Variants in ADD3 observed in about 807,000 individuals in gnomAD.
ADD3 encodes adducin 3, also known as gamma-adducin.
A neutral mutation model predicts 80.2 loss-of-function variants in ADD3; 25 were observed. The ratio of observed to expected loss-of-function variants is 0.31; its 90% CI spans 0.23 to 0.44. ADD3 has a LOEUF of 0.44. ADD3 is among the 20% of genes least tolerant of loss of function. The probability of loss-of-function intolerance (pLI) is 1.00; values close to 1 mark genes in which losing one functional copy is unlikely to be tolerated. For synonymous variants in ADD3, 284 were observed against 289.6 expected (o/e 0.98, Z 0.20); for missense variants, 829 against 847.5 (o/e 0.98, Z 0.27).
chr10:110,038,793 C>A (rs543581275), intron 1 of ADD3, among the ~76,000 whole-genome samples: 2 of 152,262 alleles, frequency 1.3e-5, no homozygotes, highest in South Asian at 4.1e-4. Flanking sequence ...AAAAACTGGA[C>A]ATGTTTGAAA....
intron 1 of ADD3, among the ~76,000 whole-genome samples, chr10:110,065,839 C>G (rs1323038632): frequency 6.6e-6 from 1 of 151,768 alleles, no homozygotes; most frequent in African/African-American, 2.4e-5. Flanking sequence ...GGCGCCCGAC[C>G]TCTTTTAGCC....
intron 12 of ADD3, among the ~76,000 whole-genome samples, chr10:110,127,005 A>C (rs537496105): frequency 1.3e-5 from 2 of 152,232 alleles, no homozygotes; most frequent in African/African-American, 2.4e-5. Context: ...ATTGTTCCCA[A>C]TTTCAGAGAT....
chr10:110,037,764 A>G (rs1855832945), intron 1 of ADD3, among the ~76,000 whole-genome samples: 2 of 151,984 alleles, frequency 1.3e-5, no homozygotes, highest in African/African-American at 4.8e-5. Context: ...GCATAAACTC[A>G]TAAGATATTT....
At chr10:110,051,462 T>C (rs1298878185) in intron 1 of ADD3, among the ~76,000 whole-genome samples, 1 of 152,188 alleles carries the variant, frequency 6.6e-6, no homozygotes, top group Non-Finnish European at 1.5e-5. Flanking sequence ...AATAAGTATA[T>C]ATAAGTGCAT....
chr10:110,022,209 C>T (rs1168491031), intron 1 of ADD3, among the ~76,000 whole-genome samples: 1 of 151,954 alleles, frequency 6.6e-6, no homozygotes, highest in Non-Finnish European at 1.5e-5. Flanking sequence ...ATGATCCTTT[C>T]CATGGGTTTC....
At chr10:110,044,042 A>G (rs1856652521) in intron 1 of ADD3, among the ~76,000 whole-genome samples, 1 of 152,118 alleles carries the variant, frequency 6.6e-6, no homozygotes, top group Non-Finnish European at 1.5e-5. Flanking sequence ...CCCTGTCTCT[A>G]AAATACAAAA....
At chr10:110,005,988 A>ATGCTGCTGCTGC (rs200976177), upstream of ADD3, 6 of 249,388 alleles carry the variant, frequency 2.4e-5, 1 homozygote, top group East Asian at 8.7e-4. Context: ...GCTGCTGCTA[A>ATGCTGCTGCTGC]TGCTGCTGCT....
chr10:110,061,941 G>T (rs990940007), intron 1 of ADD3, among the ~76,000 whole-genome samples: 4 of 151,892 alleles, frequency 2.6e-5, no homozygotes, highest in Non-Finnish European at 4.4e-5. Flanking sequence ...ATGCAAATTG[G>T]CCAGGCCAGA....
chr10:110,076,919 G>A (rs1171067537), intron 1 of ADD3: 1 of 152,178 alleles, frequency 6.6e-6, no homozygotes, highest in Non-Finnish European at 1.5e-5. Flanking sequence ...AAAAATGTGT[G>A]GCAATATTAA....
intron 1 of ADD3, among the ~76,000 whole-genome samples, chr10:110,053,560 T>G (rs1361758584): frequency 6.6e-6 from 1 of 152,152 alleles, no homozygotes; most frequent in Non-Finnish European, 1.5e-5. Context: ...CAGGGTGTAC[T>G]TGTGTTATAA....
intron 1 of ADD3, chr10:110,079,316 G>A (rs1055617286): frequency 6.6e-6 from 1 of 151,904 alleles, no homozygotes; most frequent in African/African-American, 2.4e-5. Context: ...ACTAAAAAAT[G>A]CATATGGTAA....
intron 10 of ADD3, among the ~76,000 whole-genome samples, chr10:110,125,336 C>T (rs1852005862): frequency 6.6e-6 from 1 of 152,074 alleles, no homozygotes; most frequent in South Asian, 2.1e-4. Context: ...CCAGATTATC[C>T]CCATTATAAA....
intron 1 of ADD3, among the ~76,000 whole-genome samples, chr10:110,087,711 G>A (rs1255448377): frequency 6.6e-6 from 1 of 152,158 alleles, no homozygotes; most frequent in East Asian, 1.9e-4. Context: ...TTCTGCAAAG[G>A]TGTGCTATCT....
chr10:110,119,522 T>C lies in ADD3; in HGVS notation c.918T>C (p.Ala306=). 6.2e-7 allele frequency: 1 copy of C among 1,614,124 alleles called. No individual in the cohort carries two copies. The highest frequency in any genetic ancestry group is 8.5e-7 in the Non-Finnish European group (1 of 1,179,980). Residue 306 remains alanine, a synonymous_variant, in exon 8 of 15, where the codon GCT becomes GCC. Coordinates refer to ENST00000356080, the MANE Select transcript of ADD3 (RefSeq NM_016824.5). The part of the protein sequence containing the change: ...VVALGETLEE[A]FHYIFNVQLA... ...CACTTGGAGAAACATTAGAGGAGGCTTTTCATTATATTTTTAATGTGCAAC... is the reference window on the plus strand; with the variant it reads ...CACTTGGAGAAACATTAGAGGAGGCCTTTCATTATATTTTTAATGTGCAAC...
At chr10:110,101,450 A>G (rs1033908571) in intron 2 of ADD3, among the ~76,000 whole-genome samples, 1 of 152,134 alleles carries the variant, frequency 6.6e-6, no homozygotes, top group Admixed American at 6.5e-5. Context: ...CCTAGGCAGC[A>G]TAGTGAATCC....
chr10:110,078,878 GC>G (rs1845686981), intron 1 of ADD3, among the ~76,000 whole-genome samples: 1 of 152,090 alleles, frequency 6.6e-6, no homozygotes, highest in South Asian at 2.1e-4. Flanking sequence ...CAACGAATTT[GC>G]TGTTAAATAT....
At chr10:110,004,287 C>T (rs1265753194), upstream of ADD3, among the ~76,000 whole-genome samples, 1 of 151,178 alleles carries the variant, frequency 6.6e-6, no homozygotes, top group African/African-American at 2.4e-5. Flanking sequence ...GTAATCCCAG[C>T]ACTTTGGGAG....
chr10:110,035,610 A>C (rs1855543942), intron 1 of ADD3, among the ~76,000 whole-genome samples: 1 of 152,110 alleles, frequency 6.6e-6, no homozygotes, highest in African/African-American at 2.4e-5. Flanking sequence ...TAATAGTATG[A>C]ATCCTTTTAG....
chr10:110,133,463 G>A lies in ADD3; in HGVS notation c.1966G>A (p.Glu656Lys). Residue 656 changes from glutamate (E) to lysine (K), a missense_variant, in exon 15 of 15, where the codon GAA (glutamate) becomes AAA (lysine). Glu to Lys is a moderately conservative substitution (Grantham distance 56). Transcript: ENST00000356080. ...VSRLSTSTTI[E>K]NIEITIKSPE... ...TAGGTTAAGCACAAGTACAACCATA[G>A]AAAACATCGAGATTACTATTAAGTC... 1.9e-6 allele frequency: 3 copies of A among 1,613,874 alleles called. No individual in the cohort carries two copies. In the South Asian group the frequency reaches 3.3e-5, roughly 18 times the overall value.
Sources: gnomAD v4.1 joint callset for allele counts (sites outside exome capture counted in the v4.1 genomes callset) on GRCh38, gnomAD v4.1.1 for gene constraint, MANE v1.5 for transcripts, NCBI Gene and HGNC (gene_info 2026-07-23, HGNC 2026-07-21) for gene names.